The following ZNF546 variants were observed in gnomAD, a reference collection of about 807,000 sequenced individuals.
ZNF546 encodes zinc finger protein 546.
A neutral mutation model predicts 76.2 loss-of-function variants in ZNF546; 60 were observed. That is an observed-to-expected ratio of 0.79 (90% CI 0.64 to 0.98). The LOEUF is 0.98. Among genes scored for constraint, ZNF546 ranks in the 50% least tolerant of loss-of-function variants. ZNF546 has a pLI of 0.00. For missense variants in ZNF546, 936 were observed against 1,035.6 expected (o/e 0.90, Z 1.32); for synonymous variants, 277 against 328.1 (o/e 0.84, Z 1.68).
rs1971846604 is a variant in ZNF546 at position 40,020,891 on chromosome 19, A to C, written c.*5110A>C. 1 of 152,164 alleles carries C rather than the reference A, an allele frequency of 6.6e-6. No homozygotes were observed. Among genetic ancestry groups the C allele is most frequent in the Non-Finnish European group, 1.5e-5 (1 of 68,002 alleles). The allele number at this position is 152,164 out of a possible 1,614,324, so 9.4% of individuals were successfully genotyped here. ...CTGCAATAAATTGCTGGCCCAGTTT[A>C]GTTTTTATATACTCACTACTATACT... is the stretch of plus-strand genomic sequence containing the variant. On this transcript the variant is annotated 3_prime_UTR_variant, in exon 7 of 7. Transcript: ENST00000347077.
chr19:40,019,626 T>C lies in ZNF546; in HGVS notation c.*3845T>C, dbSNP rs1971828300. On this transcript the variant is annotated 3_prime_UTR_variant, in exon 7 of 7. Coordinates refer to ENST00000347077, the MANE Select transcript of ZNF546 (RefSeq NM_178544.5). ...TAATATCAAAATTTCACTAGCTCTTTCTACACTGATATTATAATCCTGATA... is the reference window on the plus strand; with the variant it reads ...TAATATCAAAATTTCACTAGCTCTTCCTACACTGATATTATAATCCTGATA... 1.3e-5 allele frequency: 2 copies of C among 152,238 alleles called. No individual in the cohort carries two copies. Among genetic ancestry groups the C allele is most frequent in the Non-Finnish European group, 2.9e-5 (2 of 68,040 alleles). The allele number at this position is 152,238 out of a possible 1,614,324, so 9.4% of individuals were successfully genotyped here.
chr19:39,998,195 C>T, intron 2 of ZNF546, 53 bp from the exon 3 acceptor site: 1 of 659,424 alleles, frequency 1.5e-6, no homozygotes, highest in Admixed American at 2.8e-5. Flanking sequence ...ACTCTCTGGT[C>T]TATATCTTTA....
intron 6 of ZNF546, among the ~76,000 whole-genome samples, chr19:40,012,213 G>A (rs1281383881): frequency 6.6e-6 from 1 of 152,002 alleles, no homozygotes; most frequent in Admixed American, 6.6e-5. Context: ...ACACACACAG[G>A]GCAAATGTAA....
rs1489948199 is a variant in ZNF546 at position 40,020,855 on chromosome 19, C to T, written c.*5074C>T. The T allele has an allele frequency of 1.3e-5, 2 of 152,138 alleles. No individual in the cohort carries two copies. Among genetic ancestry groups the T allele is most frequent in the Non-Finnish European group, 2.9e-5 (2 of 68,002 alleles). 9.4% of individuals were successfully genotyped at this position (152,138 alleles called of 1,614,324 possible). Reference sequence around the variant, plus strand: ...GTGAATTGTATATTGCTCTGCTGCTCACATATTCCTCTGCAATAAATTGCT... The same window carrying T: ...GTGAATTGTATATTGCTCTGCTGCTTACATATTCCTCTGCAATAAATTGCT... On this transcript the variant is annotated 3_prime_UTR_variant, in exon 7 of 7. Transcript: ENST00000347077.
At chr19:40,010,258 C>G (rs1054004156) in intron 6 of ZNF546, among the ~76,000 whole-genome samples, 1 of 151,978 alleles carries the variant, frequency 6.6e-6, no homozygotes, top group Non-Finnish European at 1.5e-5. Context: ...CAAAAATTAG[C>G]CAGGCATAGT....
In ZNF546 at chr19:40,015,444, A is replaced by T. The variant is rs1410654221; in HGVS notation, c.2174A>T (p.Glu725Val). The change falls in exon 7 of 7, where the codon GAA (glutamate) becomes GTA (valine). Residue 725 changes from glutamate (E) to valine (V), a missense_variant. Physicochemically the swap from Glu to Val is moderately radical, Grantham distance 121. Transcript: ENST00000347077. The part of the protein sequence containing the change: ...HTGELPYECK[E>V]CGKTFSRRYH... ...GGTGAGCTTCCATATGAATGTAAGGAATGTGGAAAGACCTTTAGTCGTCGG... is the reference window on the plus strand; with the variant it reads ...GGTGAGCTTCCATATGAATGTAAGGTATGTGGAAAGACCTTTAGTCGTCGG... 1 of 1,614,222 alleles carries T rather than the reference A, an allele frequency of 6.2e-7. No homozygotes were observed. The highest frequency in any genetic ancestry group is 8.5e-7 in the Non-Finnish European group (1 of 1,180,040).
At chr19:40,008,254 G>A (rs751896663) in intron 5 of ZNF546, among the ~76,000 whole-genome samples, 5 of 151,966 alleles carry the variant, frequency 3.3e-5, no homozygotes, top group Non-Finnish European at 5.9e-5. Flanking sequence ...AGACCTTTTC[G>A]CTCTCTCACC....
In ZNF546 at chr19:40,014,881, A is replaced by T. The variant is rs777728862; in HGVS notation, c.1611A>T (p.Gln537His). The part of the protein sequence containing the change: ...CNECGKAFRL[Q>H]GELTRHHRIH... ...AATGTGGAAAAGCCTTTCGTCTTCA[A>T]GGAGAACTTACCCGACATCACAGAA... The change falls in exon 7 of 7, where the codon CAA becomes CAT. Residue 537 changes from glutamine (Q) to histidine (H), a missense_variant. Gln to His is a conservative substitution (Grantham distance 24). Transcript: ENST00000347077. The T allele has an allele frequency of 1.9e-6, 3 of 1,613,632 alleles. No individual in the cohort carries two copies. In the African/African-American group the frequency reaches 4.0e-5, roughly 22 times the overall value.
At chr19:40,007,449 C>A in intron 5 of ZNF546, 49 bp downstream of exon 5, 1 of 1,482,878 alleles carries the variant, frequency 6.7e-7, no homozygotes, top group South Asian at 1.4e-5. Flanking sequence ...GGAGTATCAG[C>A]TTTCTCCACT....
intron 3 of ZNF546, among the ~76,000 whole-genome samples, chr19:40,001,518 C>T (rs752569683): frequency 4.6e-5 from 7 of 152,202 alleles, no homozygotes; most frequent in Non-Finnish European, 1.0e-4. Flanking sequence ...CCCACTACCA[C>T]ACCTGGCTAA....
chr19:40,009,338 TGTTTTCATTTCTCTTGG>T (rs1971643360), intron 6 of ZNF546, among the ~76,000 whole-genome samples: 1 of 152,254 alleles, frequency 6.6e-6, no homozygotes, highest in African/African-American at 2.4e-5. Flanking sequence ...TGTGTTCAGA[TGTTTTCATTTCTCTTGG>T]GTTTTCATTT....
At position 40,014,243 on chromosome 19, in the gene ZNF546, G is replaced by A; in HGVS notation, c.973G>A (p.Gly325Arg). Residue 325 changes from glycine (G) to arginine (R), a missense_variant, in exon 7 of 7, where the codon GGA becomes AGA. Transcript: ENST00000347077. The part of the protein sequence containing the change: ...DLRVHQTIHA[G>R]ERPYECKECG... ...TAGAGTACATCAGACAATTCATGCT[G>A]GAGAGAGACCTTATGAATGTAAAGA... 1 of 1,613,574 alleles carries A rather than the reference G, an allele frequency of 6.2e-7. No homozygotes were observed. The highest frequency in any genetic ancestry group is 2.2e-5 in the East Asian group (1 of 44,812).
chr19:40,009,239 G>C (rs1420234401), intron 6 of ZNF546, among the ~76,000 whole-genome samples: 1 of 152,214 alleles, frequency 6.6e-6, no homozygotes, highest in Non-Finnish European at 1.5e-5. Context: ...AAAGCTGCAA[G>C]TGCAAAGGTT....
chr19:40,008,459 C>A lies in ZNF546; in HGVS notation c.299-11C>A. The A allele has an allele frequency of 1.3e-6, 2 of 1,549,306 alleles. No homozygotes were observed. The highest frequency in any genetic ancestry group is 1.4e-5 in the African/African-American group (1 of 73,690). On this transcript the variant is annotated splice_polypyrimidine_tract_variant and intron_variant, in intron 5 of 6. Transcript: ENST00000347077. Reference sequence around the variant, plus strand: ...TTCTATAACATGTGTCATTTCTTTTCTCATGAGCAGGATATACCATTCCTA... The same window carrying A: ...TTCTATAACATGTGTCATTTCTTTTATCATGAGCAGGATATACCATTCCTA...
chr19:40,007,455 C>A, intron 5 of ZNF546, 55 bp downstream of exon 5: 1 of 1,467,492 alleles, frequency 6.8e-7, no homozygotes. Context: ...TCAGCTTTCT[C>A]CACTGTCAAA....
chr19:40,008,783 A>G (rs1466969670), intron 6 of ZNF546, among the ~76,000 whole-genome samples: 1 of 152,108 alleles, frequency 6.6e-6, no homozygotes, highest in Non-Finnish European at 1.5e-5. Flanking sequence ...CTTCTCTCGT[A>G]TTTCTCTCCT....
In ZNF546 at chr19:40,015,315, A is replaced by C. The variant is rs759524569; in HGVS notation, c.2045A>C (p.Gln682Pro). The change falls in exon 7 of 7, where the codon CAA becomes CCA. Residue 682 changes from glutamine to proline, a missense_variant. Gln to Pro is a moderately conservative substitution (Grantham distance 76, BLOSUM62 -1). Coordinates refer to ENST00000347077, the MANE Select transcript of ZNF546 (RefSeq NM_178544.5). Reference protein sequence around the residue: ...KTFSRHYHLTQHHRGHTGEKP... With the variant: ...KTFSRHYHLTPHHRGHTGEKP... ...TTTAGTCGGCACTATCATCTTACTC[A>C]ACATCACAGAGGCCATACTGGTGAG... is the stretch of plus-strand genomic sequence containing the variant. The C allele has an allele frequency of 3.7e-6, 6 of 1,613,916 alleles. No homozygotes were observed. Among genetic ancestry groups the C allele is most frequent in the Non-Finnish European group, 5.1e-6 (6 of 1,179,952 alleles).
intron 6 of ZNF546, among the ~76,000 whole-genome samples, chr19:40,012,941 G>A (rs1343622600): frequency 6.6e-6 from 1 of 151,704 alleles, no homozygotes; most frequent in East Asian, 1.9e-4. Flanking sequence ...AGCCTCCCGA[G>A]TAGCTGGGAC....
rs559408750 is a variant in ZNF546 at position 40,009,206 on chromosome 19, G to T, written c.394+641G>T. Among the ~76,000 whole-genome samples, 14 of 152,306 alleles carry T rather than the reference G, an allele frequency of 9.2e-5. No individual in the cohort carries two copies. The South Asian group carries it at 2.9e-3, about 32-fold the overall frequency. On this transcript the variant is annotated intron_variant, in intron 6 of 6. Coordinates refer to ENST00000347077, the MANE Select transcript of ZNF546 (RefSeq NM_178544.5). ...TAAGGTCTCAGGCCATGTGAGTATT[G>T]AGGAAGAACATTACAAGCAGAAAAA...
Sources: allele counts gnomAD v4.1 joint callset (sites outside exome capture counted in the v4.1 genomes callset), GRCh38; gene constraint gnomAD v4.1.1; transcripts MANE v1.5; gene names NCBI Gene and HGNC (gene_info 2026-07-23, HGNC 2026-07-21).